The following DCC variants were observed in gnomAD, a reference collection of about 807,000 sequenced individuals.
DCC encodes netrin receptor DCC.
A neutral mutation model predicts 172.5 loss-of-function variants in DCC; 58 were observed. The ratio of observed to expected loss-of-function variants is 0.34; its 90% CI spans 0.27 to 0.42. The LOEUF is 0.42. DCC is among the 10% of genes least tolerant of loss of function. The probability of loss-of-function intolerance (pLI) is 1.00; values close to 1 mark genes in which losing one functional copy is unlikely to be tolerated. For synonymous variants in DCC, 709 were observed against 644.5 expected (o/e 1.10, Z -1.52); for missense variants, 1,740 against 1,791.0 (o/e 0.97, Z 0.51).
intron 7 of DCC, among the ~76,000 whole-genome samples, chr18:53,088,978 G>A (rs569356872): frequency 1.3e-5 from 2 of 152,320 alleles, no homozygotes; most frequent in African/African-American, 4.8e-5. Flanking sequence ...CTATGCAGTT[G>A]TGTATTACTT....
At chr18:52,823,124 T>C (rs1424814926) in intron 2 of DCC, among the ~76,000 whole-genome samples, 2 of 152,184 alleles carry the variant, frequency 1.3e-5, no homozygotes, top group Admixed American at 1.3e-4. Context: ...TGAGATGCAG[T>C]GTCCCCTCCC....
intron 5 of DCC, among the ~76,000 whole-genome samples, chr18:52,934,402 C>A (rs139826435): frequency 6.6e-6 from 1 of 152,184 alleles, no homozygotes; most frequent in East Asian, 1.9e-4. Context: ...GCTGTTCATG[C>A]TTTCTTCACA....
At chr18:53,314,849 G>A (rs1043264600) in intron 13 of DCC, among the ~76,000 whole-genome samples, 1 of 152,138 alleles carries the variant, frequency 6.6e-6, no homozygotes, top group African/African-American at 2.4e-5. Context: ...AAGATATGAA[G>A]AGCTCCCCTA....
At chr18:52,986,770 T>C (rs886378522) in intron 5 of DCC, among the ~76,000 whole-genome samples, 1 of 148,812 alleles carries the variant, frequency 6.7e-6, no homozygotes, top group Non-Finnish European at 1.5e-5. Context: ...AGTATATATA[T>C]ACACATACAT....
intron 1 of DCC, among the ~76,000 whole-genome samples, chr18:52,412,688 G>C (rs1172028123): frequency 6.6e-6 from 1 of 152,034 alleles, no homozygotes; most frequent in Non-Finnish European, 1.5e-5. Flanking sequence ...TACTTCAATG[G>C]TTCTAACTTT....
Position 52,652,474 on chromosome 18 carries a change from C to T in DCC, c.92-99580C>T, listed in dbSNP as rs567090308. On this transcript the variant is annotated intron_variant, in intron 1 of 28. Coordinates refer to ENST00000442544, the MANE Select transcript of DCC (RefSeq NM_005215.4). ...AATTCCTTCAATAACTTCAAGGAAT[C>T]AAACGAGTCATGCTCTTTTTAAGAC... Among the ~76,000 whole-genome samples the T allele has an allele frequency of 2.0e-5, 3 of 152,140 alleles. No homozygotes were observed. In the South Asian group the frequency reaches 6.2e-4, roughly 32 times the overall value.
chr18:53,510,751 A>G (rs986950912), intron 27 of DCC, among the ~76,000 whole-genome samples: 3 of 152,152 alleles, frequency 2.0e-5, no homozygotes, highest in African/African-American at 7.2e-5. Context: ...TCTAGCTGGG[A>G]TCAACATAGA....
At chr18:52,422,449 C>G (rs1205446405) in intron 1 of DCC, among the ~76,000 whole-genome samples, 1 of 152,132 alleles carries the variant, frequency 6.6e-6, no homozygotes, top group South Asian at 2.1e-4. Flanking sequence ...CAGAGAAGAG[C>G]CTGTGACATT....
At chr18:53,354,333 G>A (rs568688888) in intron 15 of DCC, among the ~76,000 whole-genome samples, 17 of 152,102 alleles carry the variant, frequency 1.1e-4, no homozygotes, top group Admixed American at 2.0e-4. Flanking sequence ...CTGAGGAATC[G>A]CCACACTGTC....
At chr18:53,217,262 TACACACACACACAC>T (rs36226906) in intron 12 of DCC, among the ~76,000 whole-genome samples, 43 of 133,364 alleles carry the variant, frequency 3.2e-4, no homozygotes, top group East Asian at 1.4e-3. Context: ...ATATATATTA[TACACACACACACAC>T]ACACACACAC....
At chr18:52,424,088 G>A (rs948897765) in intron 1 of DCC, among the ~76,000 whole-genome samples, 16 of 152,086 alleles carry the variant, frequency 1.1e-4, no homozygotes, top group African/African-American at 3.6e-4. Context: ...ACTTCTATGT[G>A]TATGAAAATT....
At chr18:52,922,042 C>G (rs925779433) in intron 3 of DCC, among the ~76,000 whole-genome samples, 1 of 151,306 alleles carries the variant, frequency 6.6e-6, no homozygotes, top group Non-Finnish European at 1.5e-5. Context: ...ACCATATTTG[C>G]GAGATTTGAA....
At chr18:52,397,839 T>C (rs1195465404) in intron 1 of DCC, among the ~76,000 whole-genome samples, 5 of 152,054 alleles carry the variant, frequency 3.3e-5, no homozygotes, top group African/African-American at 4.8e-5. Context: ...TCTAGCAAAC[T>C]GTTAATTGTA....
chr18:52,367,060 G>C (rs1984900645), intron 1 of DCC, among the ~76,000 whole-genome samples: 1 of 152,232 alleles, frequency 6.6e-6, no homozygotes, highest in Non-Finnish European at 1.5e-5. Context: ...CGGGAAGGCA[G>C]CTAAGGCACG....
intron 2 of DCC, among the ~76,000 whole-genome samples, chr18:52,758,130 C>T (rs1363781872): frequency 1.3e-5 from 2 of 152,170 alleles, no homozygotes; most frequent in Non-Finnish European, 2.9e-5. Flanking sequence ...TAGATGTTTT[C>T]TTCTAAGATG....
chr18:53,397,468 T>G, intron 18 of DCC, 22 bp downstream of exon 18: 1 of 1,613,722 alleles, frequency 6.2e-7, no homozygotes, highest in Admixed American at 1.7e-5. Flanking sequence ...AATGTCTACT[T>G]TGGACCCTTG....
chr18:52,429,344 G>A lies in DCC; in HGVS notation c.91+88466G>A, dbSNP rs532207323. ...AAAGCTGAGATTCACACTGAGGCAT[G>A]TGTGAGTGTCTTTCTGCTAATAGAC... On this transcript the variant is annotated intron_variant, in intron 1 of 28. Coordinates refer to ENST00000442544, the MANE Select transcript of DCC (RefSeq NM_005215.4). Among the ~76,000 whole-genome samples the A allele has an allele frequency of 2.6e-5, 4 of 152,218 alleles. No individual in the cohort carries two copies. The South Asian group carries it at 8.3e-4, about 32-fold the overall frequency.
chr18:53,512,402 G>T (rs954500951), intron 27 of DCC, among the ~76,000 whole-genome samples: 4 of 151,310 alleles, frequency 2.6e-5, no homozygotes, highest in African/African-American at 7.3e-5. Flanking sequence ...AAAGCAGAGC[G>T]CCTCTCCTCC....
In DCC at chr18:53,452,894, T is replaced by G. The variant is rs541279856; in HGVS notation, c.3392+2232T>G. ...TTCTGAACTATAGTTTAGTGGGGTT[T>G]GTTTGTTTGTTTGTTTGTTTGTTTG... On this transcript the variant is annotated intron_variant, in intron 23 of 28. Transcript: ENST00000442544. Among the ~76,000 whole-genome samples the G allele has an allele frequency of 3.4e-4, 37 of 108,934 alleles. No individual in the cohort carries two copies. In the South Asian group the frequency reaches 7.8e-3, roughly 23 times the overall value. The allele number at this position is 108,934 out of a possible 152,430, so 71.5% of individuals were successfully genotyped here.
Sources: allele counts gnomAD v4.1 joint callset (sites outside exome capture counted in the v4.1 genomes callset), GRCh38; gene constraint gnomAD v4.1.1; transcripts MANE v1.5; gene names NCBI Gene and HGNC (gene_info 2026-07-23, HGNC 2026-07-21).